RGS5: variants seen among roughly 807,000 people sequenced by gnomAD.
The protein encoded by RGS5 is regulator of G protein signaling 5, also known as regulator of G-protein signalling 5.
RGS5 carries 20 observed loss-of-function variants against 18.9 expected under a neutral mutation model. The observed-to-expected ratio is 1.06, with a 90% CI of 0.74 to 1.54. The LOEUF is 1.54. RGS5 is among the 40% of genes most tolerant of loss of function. The pLI is 0.00. For synonymous variants in RGS5, 57 were observed against 76.2 expected, an observed-to-expected ratio of 0.75 and a Z score of 1.31; for missense variants, 201 against 211.8, an observed-to-expected ratio of 0.95 and a Z score of 0.32.
intron 2 of RGS5, among the ~76,000 whole-genome samples, chr1:163,268,109 A>C (rs1648614661): frequency 6.6e-6 from 1 of 151,984 alleles, no homozygotes; most frequent in Admixed American, 6.6e-5. Flanking sequence ...GTCAGCTCCT[A>C]ATAAGGAAAA....
At chr1:163,301,065 G>A (rs1342758882) in intron 2 of RGS5, among the ~76,000 whole-genome samples, 1 of 152,160 alleles carries the variant, frequency 6.6e-6, no homozygotes, top group Admixed American at 6.5e-5. Flanking sequence ...TATGAATAAA[G>A]GCGGGTACTG....
At chr1:163,216,170 G>A (rs1660212600) in intron 1 of RGS5, among the ~76,000 whole-genome samples, 1 of 152,028 alleles carries the variant, frequency 6.6e-6, no homozygotes, top group African/African-American at 2.4e-5. Context: ...GTGCTAATGT[G>A]GGAGTCGGGA....
At chr1:163,298,216 G>A (rs1453509827) in intron 2 of RGS5, among the ~76,000 whole-genome samples, 2 of 152,168 alleles carry the variant, frequency 1.3e-5, no homozygotes, top group East Asian at 3.9e-4. Flanking sequence ...GAGTGATAGA[G>A]AAGACATATG....
intron 2 of RGS5, chr1:163,237,078 A>C (rs1480684037): frequency 6.6e-6 from 1 of 152,244 alleles, no homozygotes; most frequent in Non-Finnish European, 1.5e-5. Context: ...AAAAAAGGTT[A>C]AAATTTAAAA....
intron 1 of RGS5, among the ~76,000 whole-genome samples, chr1:163,313,199 TA>T (rs1351934480): frequency 4.6e-5 from 7 of 152,326 alleles, no homozygotes; most frequent in African/African-American, 1.7e-4. Flanking sequence ...AAAATTATGT[TA>T]TTATAAATTC....
intron 1 of RGS5, among the ~76,000 whole-genome samples, chr1:163,181,537 C>A (rs1020398914): frequency 2.0e-5 from 3 of 152,122 alleles, no homozygotes; most frequent in African/African-American, 7.2e-5. Context: ...AAGATGTTTC[C>A]AAGTTCTCGT....
At chr1:163,198,870 G>A (rs769664584) in intron 1 of RGS5, among the ~76,000 whole-genome samples, 3 of 152,022 alleles carry the variant, frequency 2.0e-5, no homozygotes, top group Non-Finnish European at 4.4e-5. Context: ...GGGTCTCCCT[G>A]TGTTGCCCAG....
chr1:163,285,861 C>T (rs994039445), intron 2 of RGS5, among the ~76,000 whole-genome samples: 6 of 151,946 alleles, frequency 3.9e-5, no homozygotes, highest in African/African-American at 1.2e-4. Flanking sequence ...AGTTTCCCAG[C>T]GCCTCCCCAG....
chr1:163,202,223 C>G (rs1659797603), intron 1 of RGS5, among the ~76,000 whole-genome samples: 1 of 152,146 alleles, frequency 6.6e-6, no homozygotes, highest in Non-Finnish European at 1.5e-5. Context: ...AAACTTGCCT[C>G]CCTCTCCCAG....
intron 2 of RGS5, among the ~76,000 whole-genome samples, chr1:163,240,744 T>C (rs1647769888): frequency 6.6e-6 from 1 of 152,178 alleles, no homozygotes; most frequent in Non-Finnish European, 1.5e-5. Flanking sequence ...CTTGAACTTC[T>C]GGACTCAAGT....
At chr1:163,211,453 T>C (rs1183002307) in intron 1 of RGS5, 1 of 152,182 alleles carries the variant, frequency 6.6e-6, no homozygotes. Flanking sequence ...TTTTGGTAAG[T>C]CCTTCTTAGT....
intron 2 of RGS5, among the ~76,000 whole-genome samples, chr1:163,162,404 G>A (rs1657839969): frequency 6.6e-6 from 1 of 152,124 alleles, no homozygotes; most frequent in African/African-American, 2.4e-5. Flanking sequence ...AACTGAATCA[G>A]CAGAGGGCAT....
chr1:163,157,060 A>G (rs1461181675), intron 3 of RGS5, among the ~76,000 whole-genome samples: 1 of 152,190 alleles, frequency 6.6e-6, no homozygotes, highest in Non-Finnish European at 1.5e-5. Flanking sequence ...GATAGAAACA[A>G]AAAGATGTGT....
intron 2 of RGS5, among the ~76,000 whole-genome samples, chr1:163,290,408 C>G (rs906395118): frequency 1.3e-5 from 2 of 152,164 alleles, no homozygotes; most frequent in African/African-American, 4.8e-5. Context: ...CAATATCTGA[C>G]CATTGTTGCT....
chr1:163,253,242 ATCATTT>A, intron 2 of RGS5, among the ~76,000 whole-genome samples: 1 of 152,160 alleles, frequency 6.6e-6, no homozygotes, highest in East Asian at 1.9e-4. Flanking sequence ...CAGTTCTCTC[ATCATTT>A]TCTTTCTGAT....
intron 2 of RGS5, among the ~76,000 whole-genome samples, chr1:163,250,333 T>C (rs1374267810): frequency 6.6e-6 from 1 of 152,252 alleles, no homozygotes; most frequent in Non-Finnish European, 1.5e-5. Context: ...AAAGAACATC[T>C]GTATTTAGGG....
At chr1:163,150,752 C>A (rs1330537646) in intron 4 of RGS5, among the ~76,000 whole-genome samples, 2 of 152,182 alleles carry the variant, frequency 1.3e-5, no homozygotes, top group East Asian at 1.9e-4. Flanking sequence ...AACCTCCAAC[C>A]CTGTGTCATG....
intron 3 of RGS5, among the ~76,000 whole-genome samples, chr1:163,157,518 C>T (rs1657631885): frequency 1.3e-5 from 2 of 152,080 alleles, no homozygotes; most frequent in South Asian, 4.1e-4. Context: ...AAGCTTGGTA[C>T]CAATTAACTT....
At position 163,168,281 on chromosome 1, in the gene RGS5, T is replaced by C; in HGVS notation, c.132A>G (p.Pro44=). 1 of 1,613,786 alleles carries C rather than the reference T, an allele frequency of 6.2e-7. No individual in the cohort carries two copies. Residue 44 remains proline (P), a synonymous_variant, in exon 2 of 5, where the codon CCA becomes CCG. Coordinates refer to ENST00000313961, the MANE Select transcript of RGS5 (RefSeq NM_003617.4). ...GDLVIPYNEK[P]EKPAKTQKTS... ...ACTTCTGGGTCTTGGCTGGTTTCTC[T>C]GGCTTCTCATTGTACGGAATGACAA...
Sources: gnomAD v4.1 joint callset for allele counts (sites outside exome capture counted in the v4.1 genomes callset) on GRCh38, gnomAD v4.1.1 for gene constraint, MANE v1.5 for transcripts, NCBI Gene and HGNC (gene_info 2026-07-23, HGNC 2026-07-21) for gene names.